The following SYS1 variants were observed in gnomAD, a reference collection of about 807,000 sequenced individuals.
The protein encoded by SYS1 is protein SYS1 homolog.
Under a neutral mutation model 17.8 loss-of-function variants are expected in SYS1, and 8 were observed. The ratio of observed to expected loss-of-function variants is 0.45; its 90% CI spans 0.26 to 0.81. SYS1 has a LOEUF of 0.81. Ranked by LOEUF, SYS1 falls within the 40% of genes least tolerant of loss-of-function variation. The pLI is 0.16. For missense variants in SYS1, 161 were observed against 203.9 expected (o/e 0.79, Z 1.28); for synonymous variants, 95 against 90.9 (o/e 1.05, Z -0.26).
At chr20:45,374,577 A>G in exon 4 of SYS1, 1 of 476,734 alleles carries the variant, frequency 2.1e-6, no homozygotes, top group East Asian at 3.2e-5. Context: ...TAGCCTGTTC[A>G]GAGTAAATCT....
At position 45,368,952 on chromosome 20, in the gene SYS1, TG is replaced by T. The variant is rs1455810186; in HGVS notation, c.*1838del. 2.3e-6 allele frequency: 2 copies of T among 880,686 alleles called. No individual in the cohort carries two copies. Among genetic ancestry groups the T allele is most frequent in the Non-Finnish European group, 2.7e-6 (2 of 734,154 alleles). The allele number at this position is 880,686 out of a possible 1,614,324, so 54.6% of individuals were successfully genotyped here. A position where few individuals can be genotyped will look rare whatever the true frequency, so the allele number is the denominator to read the frequency against. ...CTATTTTTCTGCATATCTTCTGTGA[TG>T]ACAAATCTCTGTCCCCTGAGTGTTA... On this transcript the variant is annotated 3_prime_UTR_variant, in exon 4 of 4. Coordinates refer to ENST00000243918, the MANE Select transcript of SYS1 (RefSeq NM_033542.4).
Position 45,368,082 on chromosome 20 carries a change from C to T in SYS1, c.*967C>T. On this transcript the variant is annotated 3_prime_UTR_variant, in exon 4 of 4. Transcript: ENST00000243918. ...CCTCTGTGAGGGGCTTGCAGCTATC[C>T]TTCCTGTGTATACAAATACAGTATT... 4 of 985,472 alleles carry T rather than the reference C, an allele frequency of 4.1e-6. No homozygotes were observed. Among genetic ancestry groups the T allele is most frequent in the Non-Finnish European group, 4.8e-6 (4 of 829,974 alleles). The allele number at this position is 985,472 out of a possible 1,614,324, so 61.0% of individuals were successfully genotyped here.
At chr20:45,374,152 T>C (rs1988646024), downstream of SYS1, 1 of 745,154 alleles carries the variant, frequency 1.3e-6, no homozygotes, top group African/African-American at 1.7e-5. Flanking sequence ...AGCCTCCCTT[T>C]AAGCTAGACC....
At chr20:45,372,250 A>G (rs1398592681), downstream of SYS1, among the ~76,000 whole-genome samples, 1 of 151,998 alleles carries the variant, frequency 6.6e-6, no homozygotes, top group Admixed American at 6.6e-5. Context: ...GGATTCCCTC[A>G]CTCCCAGACC....
Position 45,366,937 on chromosome 20 carries a change from T to C in SYS1, c.293T>C (p.Val98Ala). The C allele has an allele frequency of 6.2e-7, 1 of 1,614,212 alleles. No individual in the cohort carries two copies. The highest frequency in any genetic ancestry group is 2.2e-5 in the East Asian group (1 of 44,890). Residue 98 changes from valine (V) to alanine (A), a missense_variant, in exon 4 of 4, where the codon GTC becomes GCC. Physicochemically the swap from Val to Ala is moderately conservative, Grantham distance 64. Coordinates refer to ENST00000243918, the MANE Select transcript of SYS1 (RefSeq NM_033542.4). The part of the protein sequence containing the change: ...GKQCLDFTVT[V>A]HFFHLLGCWF... Reference sequence around the variant, plus strand: ...CAGTGTCTGGATTTCACTGTCACTGTCCATTTCTTTCACCTCCTGGGCTGC... The same window carrying C: ...CAGTGTCTGGATTTCACTGTCACTGCCCATTTCTTTCACCTCCTGGGCTGC...
upstream of SYS1, chr20:45,363,045 G>A: frequency 1.1e-6 from 1 of 947,094 alleles, no homozygotes; most frequent in Non-Finnish European, 1.3e-6. Context: ...CATGTGCTCA[G>A]TTCGCTATCC....
At chr20:45,370,579 T>G (rs1447393392), downstream of SYS1, among the ~76,000 whole-genome samples, 1 of 152,010 alleles carries the variant, frequency 6.6e-6, no homozygotes, top group African/African-American at 2.4e-5. Context: ...CCAGCAGACA[T>G]CAGGGGGTAC....
exon 4 of SYS1, chr20:45,375,032 C>A: frequency 6.2e-7 from 1 of 1,608,958 alleles, no homozygotes; most frequent in Non-Finnish European, 8.5e-7. Flanking sequence ...GTTGTTGTCA[C>A]ACCCACCTTG....
At chr20:45,374,017 A>G, downstream of SYS1, 5 of 1,613,898 alleles carry the variant, frequency 3.1e-6, no homozygotes, top group Non-Finnish European at 4.2e-6. Flanking sequence ...TCAACCTGCC[A>G]GCAGAAACCT....
chr20:45,371,677 G>C (rs548253870), downstream of SYS1, among the ~76,000 whole-genome samples: 3 of 152,196 alleles, frequency 2.0e-5, no homozygotes, highest in African/African-American at 4.8e-5. Flanking sequence ...ACAGTCTTAG[G>C]GATCTAAATG....
Position 45,368,093 on chromosome 20 carries a change from T to A in SYS1, c.*978T>A, listed in dbSNP as rs1028064478. On this transcript the variant is annotated 3_prime_UTR_variant, in exon 4 of 4. Coordinates refer to ENST00000243918, the MANE Select transcript of SYS1 (RefSeq NM_033542.4). ...GGCTTGCAGCTATCCTTCCTGTGTA[T>A]ACAAATACAGTATTTTCCATGGTTC... The A allele has an allele frequency of 7.1e-6, 7 of 985,486 alleles. No homozygotes were observed. Among genetic ancestry groups the A allele is most frequent in the Non-Finnish European group, 8.4e-6 (7 of 829,950 alleles). The allele number at this position is 985,486 out of a possible 1,614,324, so 61.0% of individuals were successfully genotyped here. A position where few individuals can be genotyped will look rare whatever the true frequency, so the allele number is the denominator to read the frequency against.
Position 45,367,812 on chromosome 20 carries a change from G to C in SYS1, c.*697G>C. The C allele has an allele frequency of 1.0e-6, 1 of 986,006 alleles. No individual in the cohort carries two copies. The highest frequency in any genetic ancestry group is 1.2e-6 in the Non-Finnish European group (1 of 830,068). The allele number at this position is 986,006 out of a possible 1,614,324, so 61.1% of individuals were successfully genotyped here. On this transcript the variant is annotated 3_prime_UTR_variant, in exon 4 of 4. Transcript: ENST00000243918. ...TCAACATAGCAGGCCATAGGACCCA[G>C]AGAAGAATCCCAGCGTTGCTCAAAG...
Position 45,368,339 on chromosome 20 carries a change from G to A in SYS1, c.*1224G>A. 1 of 985,276 alleles carries A rather than the reference G, an allele frequency of 1.0e-6. No homozygotes were observed. Among genetic ancestry groups the A allele is most frequent in the East Asian group, 1.1e-4 (1 of 8,822 alleles). 61.0% of individuals were successfully genotyped at this position (985,276 alleles called of 1,614,324 possible). On this transcript the variant is annotated 3_prime_UTR_variant, in exon 4 of 4. Coordinates refer to ENST00000243918, the MANE Select transcript of SYS1 (RefSeq NM_033542.4). ...CTCAGGTGAACCACATAATTCTTGG[G>A]TTTCCGTTCCTACTTGCTAGTGATT...
exon 4 of SYS1, chr20:45,374,461 A>G (rs1469684431): frequency 1.4e-5 from 8 of 571,326 alleles, no homozygotes; most frequent in Non-Finnish European, 2.5e-5. Flanking sequence ...TTGTAGAGAC[A>G]GTGTCTCATT....
In SYS1 at chr20:45,367,094, A is replaced by G. The variant is rs752443252; in HGVS notation, c.450A>G (p.Ser150=). 1 of 1,614,136 alleles carries G rather than the reference A, an allele frequency of 6.2e-7. No individual in the cohort carries two copies. Among genetic ancestry groups the G allele is most frequent in the Non-Finnish European group, 8.5e-7 (1 of 1,180,030 alleles). ...AGCTCAAGGAGATACCCCTCAACTC[A>G]GCCCCTAAATCCAATGTCTAGAATC... ...RTELKEIPLN[S]APKSNV is the part of the protein sequence containing the mutation. The change falls in exon 4 of 4, where the codon TCA becomes TCG. Residue 150 remains serine (S), a synonymous_variant. Coordinates refer to ENST00000243918, the MANE Select transcript of SYS1 (RefSeq NM_033542.4).
chr20:45,365,523 C>CT (rs770114414), intron 2 of SYS1, 96 bp from the exon 3 acceptor site: 1 of 1,199,422 alleles, frequency 8.3e-7, no homozygotes. Flanking sequence ...CTTCTGTGCT[C>CT]TGGGAAGAAT....
At chr20:45,370,186 C>A (rs897428441), downstream of SYS1, among the ~76,000 whole-genome samples, 1 of 152,216 alleles carries the variant, frequency 6.6e-6, no homozygotes, top group Non-Finnish European at 1.5e-5. Context: ...CTCAGCCTCC[C>A]AAAGTGCTGG....
At chr20:45,365,782 G>A (rs1568917400) in intron 3 of SYS1, 96 bp downstream of exon 3, 12 of 1,281,592 alleles carry the variant, frequency 9.4e-6, no homozygotes, top group Non-Finnish European at 1.3e-5. Context: ...ACTTGTTTCT[G>A]GGGAGTGGTG....
At chr20:45,373,711 C>T (rs1265754000), downstream of SYS1, 1 of 547,232 alleles carries the variant, frequency 1.8e-6, no homozygotes, top group East Asian at 3.0e-5. Context: ...GACTAGCTCG[C>T]GGAGGTGGGG....
Sources: gnomAD v4.1 joint callset for allele counts (sites outside exome capture counted in the v4.1 genomes callset) on GRCh38, gnomAD v4.1.1 for gene constraint, MANE v1.5 for transcripts, NCBI Gene and HGNC (gene_info 2026-07-23, HGNC 2026-07-21) for gene names.